The following RIT2 variants were observed in gnomAD, a reference collection of about 807,000 sequenced individuals.
RIT2 encodes the protein Ras like without CAAX 2, also known as GTP-binding protein Rit2.
RIT2 carries 24 observed loss-of-function variants against 23.7 expected under a neutral mutation model. The observed-to-expected ratio is 1.01, with a 90% confidence interval of 0.73 to 1.43. The LOEUF (loss-of-function observed/expected upper bound fraction) is 1.43, where lower values mean the gene tolerates loss of function less well. Among genes scored for constraint, RIT2 ranks in the 40% most tolerant of loss-of-function variants. The pLI, the probability that RIT2 is intolerant of heterozygous loss-of-function variation, is 0.00. For missense variants in RIT2, 236 were observed against 266.9 expected, an observed-to-expected ratio of 0.88 and a Z score of 0.81; for synonymous variants, 107 against 91.1, an observed-to-expected ratio of 1.17 and a Z score of -0.99.
At chr18:42,948,625 G>T (rs1909780207) in intron 3 of RIT2, among the ~76,000 whole-genome samples, 1 of 152,090 alleles carries the variant, frequency 6.6e-6, no homozygotes, top group Admixed American at 6.6e-5. Context: ...AGGAGTCCTA[G>T]ATGATATCTG....
chr18:43,021,930 T>C (rs1320605245), intron 2 of RIT2, among the ~76,000 whole-genome samples: 1 of 152,050 alleles, frequency 6.6e-6, no homozygotes, highest in African/African-American at 2.4e-5. Context: ...AGAACGATCA[T>C]ATAATCCAGC....
At chr18:43,024,707 AAACAACAACAAC>A (rs141467663) in intron 2 of RIT2, among the ~76,000 whole-genome samples, 6 of 150,332 alleles carry the variant, frequency 4.0e-5, no homozygotes, top group East Asian at 2.0e-4. Flanking sequence ...GAACTCAAAC[AAACAACAACAAC>A]AACAACAACA....
chr18:43,094,500 A>G (rs1913504466), intron 1 of RIT2, among the ~76,000 whole-genome samples: 1 of 151,980 alleles, frequency 6.6e-6, no homozygotes, highest in Non-Finnish European at 1.5e-5. Context: ...TTTCAAGGAA[A>G]CAGGATTTTT....
intron 1 of RIT2, among the ~76,000 whole-genome samples, chr18:43,074,356 A>G (rs2144339216): frequency 6.6e-6 from 1 of 152,324 alleles, no homozygotes; most frequent in Non-Finnish European, 1.5e-5. Context: ...TGTATTTATA[A>G]GTAAACATGA....
chr18:42,892,504 C>T (rs1402674749), intron 4 of RIT2, among the ~76,000 whole-genome samples: 2 of 152,174 alleles, frequency 1.3e-5, no homozygotes, highest in Non-Finnish European at 2.9e-5. Flanking sequence ...GTCTGCATTA[C>T]TAAATTGTTT....
intron 4 of RIT2, among the ~76,000 whole-genome samples, chr18:42,878,835 G>A (rs487259): frequency 0.053 from 4,466 of 84,548 alleles, 186 homozygotes; most frequent in African/African-American, 0.17. Context: ...ACCGCCCCCC[G>A]CCCCCCGCCA....
intron 3 of RIT2, 145 bp from the exon 4 acceptor site, chr18:42,923,908 T>C (rs1909118223): frequency 6.0e-6 from 4 of 666,216 alleles, no homozygotes; most frequent in Non-Finnish European, 9.3e-6. Context: ...ATTTATGAGA[T>C]CTTAGAAAAA....
intron 4 of RIT2, among the ~76,000 whole-genome samples, chr18:42,751,056 T>A (rs2143883035): frequency 6.6e-6 from 1 of 151,950 alleles, no homozygotes; most frequent in Non-Finnish European, 1.5e-5. Flanking sequence ...CTTACTACAA[T>A]GCAATAGAGA....
intron 1 of RIT2, among the ~76,000 whole-genome samples, chr18:43,080,144 A>G (rs1913122206): frequency 6.6e-6 from 1 of 152,212 alleles, no homozygotes; most frequent in South Asian, 2.1e-4. Context: ...CTTTCAGGCC[A>G]CCAATCTATA....
At chr18:42,977,672 G>C (rs1412300373) in intron 2 of RIT2, among the ~76,000 whole-genome samples, 1 of 151,752 alleles carries the variant, frequency 6.6e-6, no homozygotes, top group South Asian at 2.1e-4. Flanking sequence ...TAAAATAATG[G>C]TGGGAGACAT....
intron 4 of RIT2, among the ~76,000 whole-genome samples, chr18:42,833,653 T>A (rs1906521578): frequency 6.6e-6 from 1 of 152,120 alleles, no homozygotes; most frequent in Non-Finnish European, 1.5e-5. Context: ...TCAAACTAAT[T>A]CTCTTGAGTC....
intron 3 of RIT2, among the ~76,000 whole-genome samples, chr18:42,954,582 T>C (rs1249663455): frequency 6.6e-6 from 1 of 152,058 alleles, no homozygotes; most frequent in African/African-American, 2.4e-5. Flanking sequence ...CTCCATATAA[T>C]GTAGACTTGA....
intron 2 of RIT2, among the ~76,000 whole-genome samples, chr18:42,986,883 T>C (rs1455596892): frequency 1.3e-5 from 2 of 152,018 alleles, no homozygotes; most frequent in Non-Finnish European, 2.9e-5. Flanking sequence ...TTTATTAACA[T>C]CCAATAAAAA....
chr18:42,919,167 T>C (rs117412392), intron 4 of RIT2, among the ~76,000 whole-genome samples: 5 of 152,254 alleles, frequency 3.3e-5, no homozygotes, highest in East Asian at 1.9e-4. Context: ...GAACTCTAAA[T>C]AGATATTATG....
intron 4 of RIT2, among the ~76,000 whole-genome samples, chr18:42,790,896 G>A (rs559832891): frequency 1.3e-5 from 2 of 152,228 alleles, no homozygotes; most frequent in East Asian, 3.9e-4. Context: ...CTCTGGTCTG[G>A]CTCAACCTTC....
In RIT2 at chr18:42,743,459, T is replaced by C; in HGVS notation, c.*34A>G. On this transcript the variant is annotated 3_prime_UTR_variant, in exon 5 of 5. Transcript: ENST00000326695. ...ATATGGAATTGTCCAACTAATAAAA[T>C]TCAGAGAGCGTGAGGAACTCAAAAG... 1 of 1,456,976 alleles carries C rather than the reference T, an allele frequency of 6.9e-7. No individual in the cohort carries two copies. The highest frequency in any genetic ancestry group is 1.1e-5 in the South Asian group (1 of 87,414). The allele number at this position is 1,456,976 out of a possible 1,614,324, so 90.3% of individuals were successfully genotyped here. A position where few individuals can be genotyped will look rare whatever the true frequency, so the allele number is the denominator to read the frequency against.
intron 1 of RIT2, among the ~76,000 whole-genome samples, chr18:43,097,169 C>T (rs1324039090): frequency 2.0e-5 from 3 of 151,728 alleles, no homozygotes; most frequent in African/African-American, 7.3e-5. Context: ...TGAAAACACC[C>T]CTTAGAGTTT....
At chr18:43,062,317 A>G (rs1053489374) in intron 1 of RIT2, among the ~76,000 whole-genome samples, 4 of 152,180 alleles carry the variant, frequency 2.6e-5, no homozygotes, top group Non-Finnish European at 4.4e-5. Flanking sequence ...CAAGACAAAA[A>G]AGAGGTAATT....
At chr18:42,923,534 G>A in intron 4 of RIT2, 38 bp downstream of exon 4, 1 of 1,579,024 alleles carries the variant, frequency 6.3e-7, no homozygotes, top group Non-Finnish European at 8.7e-7. Flanking sequence ...CATCCTCAGA[G>A]CAAAAGACAG....
Sources: gnomAD v4.1 joint callset for allele counts (sites outside exome capture counted in the v4.1 genomes callset) on GRCh38, gnomAD v4.1.1 for gene constraint, MANE v1.5 for transcripts, NCBI Gene and HGNC (gene_info 2026-07-23, HGNC 2026-07-21) for gene names.